Variants in TCIRG1 observed in about 807,000 individuals in gnomAD.
The protein encoded by TCIRG1 is V-type proton ATPase 116 kDa subunit a 3.
TCIRG1 carries 86 observed loss-of-function variants against 95.5 expected under a neutral mutation model. That is an observed-to-expected ratio of 0.90 (90% CI 0.76 to 1.08). TCIRG1 has a LOEUF of 1.08. Among genes scored for constraint, TCIRG1 ranks in the 50% least tolerant of loss-of-function variants. The pLI is 0.00. For missense variants in TCIRG1, 1,069 were observed against 1,140.2 expected (o/e 0.94, Z 0.90); for synonymous variants, 499 against 501.3 (o/e 1.00, Z 0.06).
chr11:68,041,711 C>A (rs771843474), intron 2 of TCIRG1, 42 bp from the exon 3 acceptor site: 9 of 1,538,744 alleles, frequency 5.8e-6, no homozygotes, highest in Non-Finnish European at 7.1e-6. Context: ...AGCTCCCTGA[C>A]CCCCTTCCCG....
intron 13 of TCIRG1, 177 bp downstream of exon 13, chr11:68,048,149 CCT>C (rs1050814888): frequency 4.2e-5 from 29 of 692,398 alleles, no homozygotes; most frequent in East Asian, 1.1e-4. Context: ...ATCACAGTCC[CCT>C]GAGTGTGCGG....
chr11:68,047,835 CCCCGCAGCA>C, intron 12 of TCIRG1, 31 bp downstream of exon 12: 1 of 1,612,428 alleles, frequency 6.2e-7, no homozygotes, highest in Non-Finnish European at 8.5e-7. Context: ...CGGCTGGGGG[CCCCGCAGCA>C]CCCGCAGCCC....
At chr11:68,048,404 C>T (rs1235395067) in intron 13 of TCIRG1, 1 of 340,448 alleles carries the variant, frequency 2.9e-6, no homozygotes, top group African/African-American at 2.1e-5. Flanking sequence ...AGCGATTCCC[C>T]TGCTTCAGCC....
intron 15 of TCIRG1, 120 bp downstream of exon 15, chr11:68,049,414 CA>C (rs1855678094): frequency 8.8e-7 from 1 of 1,135,848 alleles, no homozygotes; most frequent in African/African-American, 1.6e-5. Flanking sequence ...CCGGGCCGTG[CA>C]GACAGGGCCG....
chr11:68,043,343 C>T (rs1340270992), intron 5 of TCIRG1, 28 bp from the exon 6 acceptor site: 1 of 1,536,632 alleles, frequency 6.5e-7, no homozygotes, highest in Admixed American at 2.0e-5. Flanking sequence ...GAGGTTGGAG[C>T]AGCCCTGCCC....
At chr11:68,039,896 C>G (rs1855078599) in intron 1 of TCIRG1, 1 of 152,298 alleles carries the variant, frequency 6.6e-6, no homozygotes, top group African/African-American at 2.4e-5. Flanking sequence ...GGTGACCCCT[C>G]CCCAGATCCC....
intron 10 of TCIRG1, among the ~76,000 whole-genome samples, chr11:68,045,727 AT>A (rs1242019355): frequency 6.6e-6 from 1 of 151,968 alleles, no homozygotes; most frequent in Non-Finnish European, 1.5e-5. Flanking sequence ...CTAATTTCAT[AT>A]TTTTAGTAGA....
intron 9 of TCIRG1, 42 bp from the exon 10 acceptor site, chr11:68,044,916 G>A (rs1346081050): frequency 1.9e-6 from 3 of 1,602,342 alleles, no homozygotes; most frequent in East Asian, 2.2e-5. Context: ...GTCCCTGAAG[G>A]CCCCCGCCAC....
chr11:68,049,829 A>G (rs1855705662), intron 16 of TCIRG1, 41 bp downstream of exon 16: 1 of 1,557,524 alleles, frequency 6.4e-7, no homozygotes, highest in African/African-American at 1.3e-5. Flanking sequence ...GCTTGCGGGG[A>G]GAGGCCACTG....
At chr11:68,042,243 C>T (rs572074920) in intron 3 of TCIRG1, among the ~76,000 whole-genome samples, 4 of 152,302 alleles carry the variant, frequency 2.6e-5, no homozygotes, top group Admixed American at 2.6e-4. Context: ...CTGCCCTGGG[C>T]AACCCCTCTC....
At chr11:68,051,337 C>A (rs1360492999), downstream of TCIRG1, among the ~76,000 whole-genome samples, 1 of 152,200 alleles carries the variant, frequency 6.6e-6, no homozygotes, top group Non-Finnish European at 1.5e-5. Context: ...TAGAGGCTGT[C>A]CCCAGCAGCA....
Position 68,049,267 on chromosome 11 carries a change from C to T in TCIRG1, c.1860C>T (p.Pro620=). 6.2e-7 allele frequency: 1 copy of T among 1,612,376 alleles called. No individual in the cohort carries two copies. The highest frequency in any genetic ancestry group is 1.1e-5 in the South Asian group (1 of 91,072). ...ACATGTTCCTCTTCTCCCACAGCCCCAGCAACAGGCTGCTCTACCCCCGGC... is the reference window on the plus strand; with the variant it reads ...ACATGTTCCTCTTCTCCCACAGCCCTAGCAACAGGCTGCTCTACCCCCGGC... ...FINMFLFSHS[P]SNRLLYPRQE... is the part of the protein sequence containing the mutation. The change falls in exon 15 of 20, where the codon CCC becomes CCT. Residue 620 remains proline, a synonymous_variant. Coordinates refer to ENST00000265686, the MANE Select transcript of TCIRG1 (RefSeq NM_006019.4).
Position 68,043,907 on chromosome 11 carries a change from G to T in TCIRG1, c.807G>T (p.Glu269Asp). 6.5e-7 allele frequency: 1 copy of T among 1,549,282 alleles called. No individual in the cohort carries two copies. The highest frequency in any genetic ancestry group is 8.7e-7 in the Non-Finnish European group (1 of 1,148,074). Reference sequence around the variant, plus strand: ...AACAGCAGAGCCAGGAGCTGCAGGAGGTGGGTGCCCCCGGCCTTCCGGAGG... The same window carrying T: ...AACAGCAGAGCCAGGAGCTGCAGGATGTGGGTGCCCCCGGCCTTCCGGAGG... ...QLQQQSQELQ[E>D]VLGETERFLS... The change falls in exon 8 of 20, where the codon GAG (glutamate) becomes GAT (aspartate). Residue 269 changes from glutamate (E) to aspartate (D), a missense_variant and splice_region_variant. Transcript: ENST00000265686.
chr11:68,041,620 G>C (rs1038990877), intron 2 of TCIRG1, 133 bp from the exon 3 acceptor site: 8 of 803,596 alleles, frequency 1.0e-5, no homozygotes, highest in Non-Finnish European at 1.7e-5. Context: ...TCTGCGTCTT[G>C]TGGCTCCCAG....
chr11:68,041,608 G>T, intron 2 of TCIRG1, 145 bp from the exon 3 acceptor site: 1 of 768,442 alleles, frequency 1.3e-6, no homozygotes, highest in Non-Finnish European at 2.2e-6. Context: ...TCTGTGCTCT[G>T]ATCTGCGTCT....
At chr11:68,051,481 G>A (rs1855794360), downstream of TCIRG1, among the ~76,000 whole-genome samples, 1 of 152,222 alleles carries the variant, frequency 6.6e-6, no homozygotes, top group Non-Finnish European at 1.5e-5. Context: ...GAATGGGGGT[G>A]GCTTTCTGCA....
chr11:68,048,809 G>C, intron 13 of TCIRG1, 70 bp from the exon 14 acceptor site: 1 of 1,130,230 alleles, frequency 8.8e-7, no homozygotes, highest in Non-Finnish European at 1.3e-6. Context: ...AGAGTGACTC[G>C]GGCCGGGGAC....
chr11:68,050,642 C>T lies in TCIRG1; in HGVS notation c.2392C>T (p.Leu798=), dbSNP rs1855760265. The change falls in exon 19 of 20, where the codon CTG becomes TTG. Residue 798 remains leucine (L), a synonymous_variant. Transcript: ENST00000265686. ...GGTGATGGAGGGACTCTCAGCCTTC[C>T]TGCACGCCCTGCGGCTGCACTGGTG... ...LLVMEGLSAF[L]HALRLHWVEF... The T allele has an allele frequency of 1.2e-6, 2 of 1,613,412 alleles. No individual in the cohort carries two copies. The highest frequency in any genetic ancestry group is 8.5e-7 in the Non-Finnish European group (1 of 1,180,022).
intron 8 of TCIRG1, 81 bp from the exon 9 acceptor site, chr11:68,044,051 G>C: frequency 7.2e-7 from 1 of 1,386,098 alleles, no homozygotes; most frequent in South Asian, 1.2e-5. Flanking sequence ...CCTCCAGGAG[G>C]TGGGTGCAGG....
Sources: gnomAD v4.1 joint callset for allele counts (sites outside exome capture counted in the v4.1 genomes callset) on GRCh38, gnomAD v4.1.1 for gene constraint, MANE v1.5 for transcripts, NCBI Gene and HGNC (gene_info 2026-07-23, HGNC 2026-07-21) for gene names.